The following ADGB variants were observed in gnomAD, a reference collection of about 807,000 sequenced individuals.
ADGB encodes calpain-7-like protein.
A neutral mutation model predicts 210.5 loss-of-function variants in ADGB; 172 were observed. The ratio of observed to expected loss-of-function variants is 0.82; its 90% CI spans 0.72 to 0.93. The LOEUF (loss-of-function observed/expected upper bound fraction) is 0.93. Among genes scored for constraint, ADGB ranks in the 40% least tolerant of loss-of-function variants. The pLI is 0.00. For synonymous variants in ADGB, 658 were observed against 662.7 expected (o/e 0.99, Z 0.11); for missense variants, 2,025 against 1,964.8 (o/e 1.03, Z -0.58).
intron 12 of ADGB, among the ~76,000 whole-genome samples, chr6:146,693,780 C>T (rs529736639): frequency 1.6e-3 from 246 of 152,214 alleles, no homozygotes; most frequent in Non-Finnish European, 3.0e-3. Context: ...GAAATTTCCT[C>T]AATCCAATAT....
intron 26 of ADGB, among the ~76,000 whole-genome samples, chr6:146,747,135 T>C (rs765317277): frequency 4.6e-5 from 7 of 152,166 alleles, no homozygotes; most frequent in African/African-American, 1.2e-4. Flanking sequence ...TTATTTTCAA[T>C]ATAGGACCTA....
intron 1 of ADGB, among the ~76,000 whole-genome samples, chr6:146,624,446 A>C (rs572349842): frequency 7.2e-5 from 11 of 151,860 alleles, no homozygotes; most frequent in African/African-American, 2.7e-4. Context: ...TGATATTGAT[A>C]GTTGTGTTTT....
At chr6:146,691,443 A>ATATATATATAT in intron 11 of ADGB, among the ~76,000 whole-genome samples, 153 bp downstream of exon 11, 1 of 21,260 alleles carries the variant, frequency 4.7e-5, no homozygotes, top group African/African-American at 3.7e-4. Context: ...TATATATATA[A>ATATATATATAT]AAATATATAT....
intron 29 of ADGB, among the ~76,000 whole-genome samples, chr6:146,769,802 A>T (rs573513450): frequency 3.0e-4 from 45 of 152,336 alleles, no homozygotes; most frequent in Admixed American, 2.9e-3. Flanking sequence ...CATGCAATAC[A>T]AAAGGGTATA....
chr6:146,733,461 T>C (rs1347514059), intron 21 of ADGB, among the ~76,000 whole-genome samples: 1 of 151,838 alleles, frequency 6.6e-6, no homozygotes, highest in African/African-American at 2.4e-5. Context: ...TCTAGGGGAG[T>C]GTCTTACAGG....
At chr6:146,659,010 C>T (rs1255036468) in intron 5 of ADGB, among the ~76,000 whole-genome samples, 1 of 152,162 alleles carries the variant, frequency 6.6e-6, no homozygotes, top group Non-Finnish European at 1.5e-5. Context: ...AGGCTTAGGG[C>T]AGAAATTTTT....
chr6:146,665,469 G>A (rs919261747), intron 6 of ADGB, among the ~76,000 whole-genome samples: 3 of 151,954 alleles, frequency 2.0e-5, no homozygotes, highest in African/African-American at 4.8e-5. Flanking sequence ...TATTCATACC[G>A]GTGGCATGTT....
At chr6:146,638,060 G>T (rs143966511) in intron 2 of ADGB, among the ~76,000 whole-genome samples, 3 of 151,940 alleles carry the variant, frequency 2.0e-5, no homozygotes, top group East Asian at 1.9e-4. Flanking sequence ...GGCTTCACTC[G>T]CAGGATGCAA....
chr6:146,656,308 C>T (rs1450105400), intron 4 of ADGB, among the ~76,000 whole-genome samples: 3 of 152,288 alleles, frequency 2.0e-5, no homozygotes, highest in Non-Finnish European at 2.9e-5. Context: ...ATGTGTCTAC[C>T]CCATTTTAAT....
intron 3 of ADGB, among the ~76,000 whole-genome samples, chr6:146,652,223 A>C (rs993158406): frequency 1.3e-5 from 2 of 152,228 alleles, no homozygotes; most frequent in African/African-American, 4.8e-5. Context: ...GGAGGCTATC[A>C]AGACTAATAC....
At chr6:146,692,097 G>A (rs1776337502) in intron 11 of ADGB, among the ~76,000 whole-genome samples, 3 of 152,122 alleles carry the variant, frequency 2.0e-5, no homozygotes, top group Admixed American at 6.6e-5. Context: ...GGGCATTGAG[G>A]AATAGTTGAA....
At chr6:146,722,179 C>G (rs999899831) in intron 17 of ADGB, among the ~76,000 whole-genome samples, 1 of 151,970 alleles carries the variant, frequency 6.6e-6, no homozygotes, top group African/African-American at 2.4e-5. Flanking sequence ...CACCTTGGTC[C>G]CCTACTTTCA....
chr6:146,796,888 A>G (rs1778051824), intron 33 of ADGB, among the ~76,000 whole-genome samples: 1 of 152,186 alleles, frequency 6.6e-6, no homozygotes. Flanking sequence ...CAAAAGAAAT[A>G]ATCAGCAGAG....
chr6:146,642,607 C>T (rs549392897), intron 2 of ADGB, among the ~76,000 whole-genome samples: 7 of 151,852 alleles, frequency 4.6e-5, no homozygotes, highest in Non-Finnish European at 7.4e-5. Context: ...GTGTCTTTTG[C>T]GGGAACATGG....
At chr6:146,691,471 TA>T (rs1776321688) in intron 11 of ADGB, among the ~76,000 whole-genome samples, 181 bp downstream of exon 11, 1 of 46,254 alleles carries the variant, frequency 2.2e-5, no homozygotes, top group Admixed American at 3.4e-4. Flanking sequence ...AATATATATA[TA>T]TATAAATATA....
At chr6:146,667,833 G>A (rs1276304680) in intron 7 of ADGB, among the ~76,000 whole-genome samples, 2 of 151,910 alleles carry the variant, frequency 1.3e-5, no homozygotes, top group South Asian at 4.1e-4. Flanking sequence ...AGTCCTGAAA[G>A]GATAGTCTTA....
intron 11 of ADGB, 32 bp from the exon 12 acceptor site, chr6:146,692,793 G>C: frequency 8.3e-7 from 1 of 1,207,206 alleles, no homozygotes; most frequent in East Asian, 2.6e-5. Flanking sequence ...TTTTTTAAAT[G>C]TACATCATAC....
At chr6:146,760,260 A>G (rs1777465548) in intron 27 of ADGB, among the ~76,000 whole-genome samples, 1 of 151,742 alleles carries the variant, frequency 6.6e-6, no homozygotes, top group Non-Finnish European at 1.5e-5. Context: ...TTTTCATTCA[A>G]TTTCCTCACC....
intron 35 of ADGB, 62 bp from the exon 36 acceptor site, chr6:146,814,970 T>C: frequency 6.9e-7 from 1 of 1,459,106 alleles, no homozygotes; most frequent in South Asian, 1.4e-5. Context: ...CATTTTTTTC[T>C]TTCTGGGAAC....
Sources: gnomAD v4.1 joint callset for allele counts (sites outside exome capture counted in the v4.1 genomes callset) on GRCh38, gnomAD v4.1.1 for gene constraint, MANE v1.5 for transcripts, NCBI Gene and HGNC (gene_info 2026-07-23, HGNC 2026-07-21) for gene names.